The following EDIL3 variants were observed in gnomAD, a reference collection of about 807,000 sequenced individuals.
EDIL3 encodes the protein EGF-like repeat and discoidin I-like domain-containing protein 3.
Under a neutral mutation model 67.4 loss-of-function variants are expected in EDIL3, and 37 were observed. The ratio of observed to expected loss-of-function variants is 0.55; its 90% CI spans 0.42 to 0.72. The LOEUF (loss-of-function observed/expected upper bound fraction) is 0.72. Ranked by LOEUF, EDIL3 falls within the 30% of genes least tolerant of loss-of-function variation. The pLI is 0.00. For synonymous variants in EDIL3, 195 were observed against 196.3 expected (o/e 0.99, Z 0.05); for missense variants, 527 against 586.3 (o/e 0.90, Z 1.04).
intron 5 of EDIL3, among the ~76,000 whole-genome samples, chr5:84,128,490 TA>T (rs34002326): frequency 0.89 from 135,865 of 152,054 alleles, 61,041 homozygotes; most frequent in East Asian, 0.99. Context: ...GCCCACAAAT[TA>T]ACAATTTAAC....
chr5:84,162,133 G>A (rs1401891656), intron 4 of EDIL3, among the ~76,000 whole-genome samples: 1 of 152,040 alleles, frequency 6.6e-6, no homozygotes, highest in East Asian at 1.9e-4. Flanking sequence ...GCTCACATGG[G>A]GCCTAGAAGT....
At chr5:84,303,839 TG>T (rs1746210930) in intron 1 of EDIL3, among the ~76,000 whole-genome samples, 3 of 148,308 alleles carry the variant, frequency 2.0e-5, no homozygotes, top group African/African-American at 7.6e-5. Context: ...TGTGTGTGTG[TG>T]TGTGTGTGTT....
At chr5:84,287,042 C>G (rs1330516459) in intron 1 of EDIL3, among the ~76,000 whole-genome samples, 1 of 152,098 alleles carries the variant, frequency 6.6e-6, no homozygotes, top group Non-Finnish European at 1.5e-5. Context: ...TGCTTGTAAC[C>G]AGAAAATAAC....
At chr5:84,094,503 A>G (rs967854664) in intron 6 of EDIL3, among the ~76,000 whole-genome samples, 1 of 151,866 alleles carries the variant, frequency 6.6e-6, no homozygotes, top group Non-Finnish European at 1.5e-5. Context: ...ACTAGAAAAA[A>G]GGCTGAAAAT....
At chr5:84,254,864 C>G (rs564525923) in intron 1 of EDIL3, among the ~76,000 whole-genome samples, 1 of 152,272 alleles carries the variant, frequency 6.6e-6, no homozygotes, top group Non-Finnish European at 1.5e-5. Flanking sequence ...AATACGTGGC[C>G]TTGGCTGTGG....
intron 9 of EDIL3, among the ~76,000 whole-genome samples, chr5:83,966,175 C>A (rs1405435675): frequency 6.6e-6 from 1 of 152,036 alleles, no homozygotes; most frequent in Non-Finnish European, 1.5e-5. Flanking sequence ...CCTCACCTCC[C>A]CAAAGTTTGG....
intron 9 of EDIL3, among the ~76,000 whole-genome samples, chr5:84,047,012 T>C (rs1389946406): frequency 6.6e-6 from 1 of 152,206 alleles, no homozygotes; most frequent in African/African-American, 2.4e-5. Flanking sequence ...ATACTGAATA[T>C]GTCTTTCAGT....
chr5:84,335,113 A>G (rs969236760), intron 1 of EDIL3, among the ~76,000 whole-genome samples: 1 of 152,066 alleles, frequency 6.6e-6, no homozygotes, highest in Non-Finnish European at 1.5e-5. Flanking sequence ...TTATTCCTGA[A>G]GTCACTTTTA....
intron 2 of EDIL3, among the ~76,000 whole-genome samples, chr5:84,242,790 T>C (rs1744823846): frequency 4.9e-5 from 2 of 41,176 alleles, no homozygotes; most frequent in South Asian, 2.0e-3. Flanking sequence ...AGAGACCCTA[T>C]CTTAAAAAAA....
intron 9 of EDIL3, among the ~76,000 whole-genome samples, chr5:83,974,579 G>T (rs1744848324): frequency 6.6e-6 from 1 of 151,974 alleles, no homozygotes; most frequent in Admixed American, 6.6e-5. Context: ...GTAACACTGT[G>T]AGCATTATAT....
At chr5:84,375,192 G>C (rs927504603) in intron 1 of EDIL3, among the ~76,000 whole-genome samples, 2 of 151,944 alleles carry the variant, frequency 1.3e-5, no homozygotes, top group East Asian at 1.9e-4. Context: ...GGATGGTCTC[G>C]ATCTCTTGAC....
intron 1 of EDIL3, among the ~76,000 whole-genome samples, chr5:84,255,151 T>C (rs189756546): frequency 1.2e-3 from 190 of 152,248 alleles, no homozygotes; most frequent in African/African-American, 4.3e-3. Context: ...TAAAGGGAAG[T>C]AGTATACAAG....
intron 9 of EDIL3, among the ~76,000 whole-genome samples, chr5:83,990,743 G>A (rs1745135695): frequency 1.3e-5 from 2 of 151,778 alleles, no homozygotes; most frequent in Non-Finnish European, 1.5e-5. Context: ...AGCTGGGCAT[G>A]GTAGCGGGCA....
At chr5:84,031,911 G>C (rs7729302) in intron 9 of EDIL3, among the ~76,000 whole-genome samples, 1 of 152,050 alleles carries the variant, frequency 6.6e-6, no homozygotes, top group South Asian at 2.1e-4. Context: ...ACAGAATCTC[G>C]TTGAAGGCTC....
In EDIL3 at chr5:84,175,263, G is replaced by GTAAGAATTACTTTAAGATTTAAGATT. The variant is rs549259814; in HGVS notation, c.355+5129_355+5130insAATCTTAAATCTTAAAGTAATTCTTA. Among the ~76,000 whole-genome samples the GTAAGAATTACTTTAAGATTTAAGATT allele has an allele frequency of 2.1e-3, 326 of 152,256 alleles. 2 individuals carry two copies. The highest frequency in any genetic ancestry group is 7.3e-3 in the African/African-American group (304 of 41,554). On this transcript the variant is annotated intron_variant, in intron 4 of 10. Coordinates refer to ENST00000296591, the MANE Select transcript of EDIL3 (RefSeq NM_005711.5). ...TTAAAATTATAAAGAGTAACTTAAA[G>GTAAGAATTACTTTAAGATTTAAGATT]TAAGAATTAATGATAAGAGGAATTC...
chr5:83,981,333 C>T lies in EDIL3; in HGVS notation c.1138-17973G>A, dbSNP rs77663128. ...ATATGTATGTACATGTGTATACATA[C>T]TTGGAAATAAGTATGTATTTGAACT... On this transcript the variant is annotated intron_variant, in intron 9 of 10. Transcript: ENST00000296591. Among the ~76,000 whole-genome samples the T allele has an allele frequency of 9.9e-3, 1,501 of 152,050 alleles. 30 individuals are homozygous for T. The highest frequency in any genetic ancestry group is 0.035 in the African/African-American group (1,436 of 41,456).
chr5:84,092,925 C>G (rs1428928), intron 6 of EDIL3, among the ~76,000 whole-genome samples: 30,344 of 152,068 alleles, frequency 0.2, 3,333 homozygotes, highest in Non-Finnish European at 0.24. Flanking sequence ...CTAGCCTTGC[C>G]TATAAAAGTG....
intron 3 of EDIL3, among the ~76,000 whole-genome samples, chr5:84,203,565 G>A (rs879578466): frequency 3.3e-5 from 5 of 152,102 alleles, no homozygotes; most frequent in Non-Finnish European, 7.4e-5. Flanking sequence ...CTCTGAATTG[G>A]ATGAATATTC....
chr5:84,198,337 A>T (rs923775667), intron 3 of EDIL3, among the ~76,000 whole-genome samples: 26 of 152,030 alleles, frequency 1.7e-4, no homozygotes, highest in African/African-American at 5.3e-4. Flanking sequence ...GTCAGCCTTT[A>T]AGGAACTGAA....
Sources: gnomAD v4.1 joint callset for allele counts (sites outside exome capture counted in the v4.1 genomes callset) on GRCh38, gnomAD v4.1.1 for gene constraint, MANE v1.5 for transcripts, NCBI Gene and HGNC (gene_info 2026-07-23, HGNC 2026-07-21) for gene names.